The following DYNC2H1 variants were observed in gnomAD, a reference collection of about 807,000 sequenced individuals.
DYNC2H1 encodes the protein dynein cytoplasmic 2 heavy chain 1.
Under a neutral mutation model 570.0 loss-of-function variants are expected in DYNC2H1, and 410 were observed. The ratio of observed to expected loss-of-function variants is 0.72; its 90% CI spans 0.66 to 0.78. DYNC2H1 has a LOEUF of 0.78. DYNC2H1 is among the 30% of genes least tolerant of loss of function. The pLI is 0.00. For synonymous variants in DYNC2H1, 1,688 were observed against 1,677.6 expected (o/e 1.01, Z -0.15); for missense variants, 4,865 against 5,046.4 (o/e 0.96, Z 1.09).
Position 103,133,772 on chromosome 11 carries a change from A to T in DYNC2H1, c.2106+65A>T. Reference sequence around the variant, plus strand: ...ATTATTTAAAAAGTCATTAAGATACAATTTTTAAAAACTTATTTTGAAATA... The same window carrying T: ...ATTATTTAAAAAGTCATTAAGATACTATTTTTAAAAACTTATTTTGAAATA... On this transcript the variant is annotated intron_variant, in intron 14 of 88. Transcript: ENST00000375735. This position sits in a 1 kb window ranked among gnomAD's most constrained non-coding sequence, Gnocchi z 4.8. The T allele has an allele frequency of 7.0e-7, 1 of 1,426,624 alleles. No individual in the cohort carries two copies. Among genetic ancestry groups the T allele is most frequent in the Non-Finnish European group, 9.4e-7 (1 of 1,068,994 alleles). 88.4% of individuals were successfully genotyped at this position (1,426,624 alleles called of 1,614,324 possible). A position where few individuals can be genotyped will look rare whatever the true frequency, so the allele number is the denominator to read the frequency against.
At chr11:103,474,022 T>A in intron 88 of DYNC2H1, 1 of 179,656 alleles carries the variant, frequency 5.6e-6, no homozygotes, top group South Asian at 8.7e-5. Context: ...TTCTGCCTTC[T>A]ATACACTCTG....
intron 84 of DYNC2H1, among the ~76,000 whole-genome samples, chr11:103,418,419 A>G (rs554637607): frequency 6.6e-6 from 1 of 152,374 alleles, no homozygotes; most frequent in South Asian, 2.1e-4. Flanking sequence ...TATTATGTGC[A>G]TTACCTTTCT....
rs534353015 is a variant in DYNC2H1 at position 103,326,936 on chromosome 11, G to C, written c.12039+2946G>C. On this transcript the variant is annotated intron_variant, in intron 82 of 88. Transcript: ENST00000375735. This position sits in a 1 kb window ranked among gnomAD's most constrained non-coding sequence, Gnocchi z 6.1. ...CCACAGCAGCTGAAGCACTGTTTCTGCCTAGTCTCCAGGCAGATCCTCCAC... is the reference window on the plus strand; with the variant it reads ...CCACAGCAGCTGAAGCACTGTTTCTCCCTAGTCTCCAGGCAGATCCTCCAC... Among the ~76,000 whole-genome samples the C allele has an allele frequency of 1.1e-4, 17 of 152,304 alleles. No individual in the cohort carries two copies. The South Asian group carries it at 3.3e-3, about 30-fold the overall frequency.
chr11:103,425,905 T>A (rs1218741314), intron 84 of DYNC2H1, among the ~76,000 whole-genome samples: 1 of 151,670 alleles, frequency 6.6e-6, no homozygotes, highest in Admixed American at 6.6e-5. Flanking sequence ...CAAATTAGTA[T>A]GTTGTTGGGA....
At chr11:103,322,779 T>C (rs1318706462) in intron 81 of DYNC2H1, among the ~76,000 whole-genome samples, 5 of 152,182 alleles carry the variant, frequency 3.3e-5, no homozygotes, top group African/African-American at 1.2e-4. Context: ...ACAATCACTG[T>C]TTAGCTTTCT....
chr11:103,170,765 G>T lies in DYNC2H1; in HGVS notation c.5152-121G>T. ...AGCTACTTAATCCGTATTTTAAAAT[G>T]AGCAAAAGAGGCATAGATGGGATAA... On this transcript the variant is annotated intron_variant, in intron 33 of 88. Coordinates refer to ENST00000375735, the MANE Select transcript of DYNC2H1 (RefSeq NM_001377.3). This position sits in a 1 kb window ranked among gnomAD's most constrained non-coding sequence, Gnocchi z 4.8. 1 of 968,114 alleles carries T rather than the reference G, an allele frequency of 1.0e-6. No homozygotes were observed. The highest frequency in any genetic ancestry group is 1.4e-6 in the Non-Finnish European group (1 of 725,062). The allele number at this position is 968,114 out of a possible 1,614,324, so 60.0% of individuals were successfully genotyped here.
At chr11:103,214,523 C>T (rs1863300434) in intron 54 of DYNC2H1, among the ~76,000 whole-genome samples, 1 of 145,666 alleles carries the variant, frequency 6.9e-6, no homozygotes, top group Non-Finnish European at 1.5e-5. Flanking sequence ...TGGCTCACTG[C>T]AGCCTCCAAC....
At chr11:103,222,883 C>A in intron 58 of DYNC2H1, 82 bp from the exon 59 acceptor site, 1 of 1,556,944 alleles carries the variant, frequency 6.4e-7, no homozygotes, top group South Asian at 1.2e-5. Context: ...TAATAAGTGC[C>A]CAAATAAAGT....
At chr11:103,379,562 A>G (rs371455363) in intron 83 of DYNC2H1, among the ~76,000 whole-genome samples, 3 of 152,310 alleles carry the variant, frequency 2.0e-5, no homozygotes, top group East Asian at 1.9e-4. Context: ...AGAAAACTCC[A>G]AATTTTGACT....
At chr11:103,173,524 GT>G (rs930053907) in intron 35 of DYNC2H1, among the ~76,000 whole-genome samples, 6 of 151,678 alleles carry the variant, frequency 4.0e-5, no homozygotes, top group Non-Finnish European at 7.4e-5. Context: ...AATTTGATCA[GT>G]TTTTTTTCTT....
chr11:103,439,717 C>T lies in DYNC2H1; in HGVS notation c.12456+3685C>T, dbSNP rs976979763. Reference sequence around the variant, plus strand: ...ATTCACTCTCTGGTTTCTGTAAGATCCTTTAGAGCAAAGATCTTAAAAAAA... The same window carrying T: ...ATTCACTCTCTGGTTTCTGTAAGATTCTTTAGAGCAAAGATCTTAAAAAAA... On this transcript the variant is annotated intron_variant, in intron 85 of 88. Transcript: ENST00000375735. The surrounding 1 kb of genome is among the most constrained non-coding windows in gnomAD (Gnocchi z 4.1). Among the ~76,000 whole-genome samples the T allele has an allele frequency of 6.6e-6, 1 of 151,864 alleles. No individual in the cohort carries two copies. Among genetic ancestry groups the T allele is most frequent in the African/African-American group, 2.4e-5 (1 of 41,328 alleles).
At chr11:103,213,524 G>A (rs1358914394) in intron 54 of DYNC2H1, among the ~76,000 whole-genome samples, 1 of 150,806 alleles carries the variant, frequency 6.6e-6, no homozygotes, top group African/African-American at 2.4e-5. Context: ...ATATTTATGG[G>A]GTACATGTGA....
rs1861681383 is a variant in DYNC2H1, at chr11:103,177,707, A to C, written c.6026A>C (p.Asn2009Thr). Residue 2009 changes from asparagine to threonine, a missense_variant, in exon 38 of 89, where the codon AAT becomes ACT. Around this residue, in one of 5 missense-constraint regions of DYNC2H1, gnomAD observed 231 missense variants for 310.3 expected, o/e 0.74. Coordinates refer to ENST00000375735, the MANE Select transcript of DYNC2H1 (RefSeq NM_001377.3). The surrounding 1 kb of genome is among the most constrained non-coding windows in gnomAD (Gnocchi z 4.4). ...AAAGTAGTGAAACAATATACTATGA[A>C]TCCCAAAGCTATGCCTCGATATCAA... Reference protein sequence around the residue: ...TGKVVKQYTMNPKAMPRYQLL... With the variant: ...TGKVVKQYTMTPKAMPRYQLL... 1 of 1,613,492 alleles carries C rather than the reference A, an allele frequency of 6.2e-7. No homozygotes were observed. Among genetic ancestry groups the C allele is most frequent in the Non-Finnish European group, 8.5e-7 (1 of 1,179,736 alleles).
At chr11:103,257,575 C>T (rs1371270069) in intron 68 of DYNC2H1, 33 bp from the exon 69 acceptor site, 3 of 1,574,436 alleles carry the variant, frequency 1.9e-6, no homozygotes, top group Non-Finnish European at 2.6e-6. Flanking sequence ...AAGGTGTTTC[C>T]ACCCTATCCC....
chr11:103,147,706 T>C (rs985663756), intron 18 of DYNC2H1, 66 bp from the exon 19 acceptor site: 2 of 906,804 alleles, frequency 2.2e-6, no homozygotes, highest in Non-Finnish European at 1.7e-6. Context: ...ATTATAATAT[T>C]ATATGAGACT....
rs754802916 is a variant in DYNC2H1 at position 103,168,737 on chromosome 11, AT to A, written c.4763-13del. The A allele has an allele frequency of 6.2e-7, 1 of 1,608,746 alleles. No homozygotes were observed. Among genetic ancestry groups the A allele is most frequent in the South Asian group, 1.1e-5 (1 of 90,436 alleles). On this transcript the variant is annotated splice_polypyrimidine_tract_variant and intron_variant, in intron 31 of 88. Coordinates refer to ENST00000375735, the MANE Select transcript of DYNC2H1 (RefSeq NM_001377.3). Reference sequence around the variant, plus strand: ...GCTAACATTTTCTCCAATTGTCAATATTTTTATTTCTGCCTAGAATCGGGCA... The same window carrying A: ...GCTAACATTTTCTCCAATTGTCAATATTTTATTTCTGCCTAGAATCGGGCA...
chr11:103,390,391 C>G (rs1199225642), intron 83 of DYNC2H1, among the ~76,000 whole-genome samples: 1 of 150,530 alleles, frequency 6.6e-6, no homozygotes, highest in Non-Finnish European at 1.5e-5. Flanking sequence ...CTATATGTGT[C>G]TCTGCACATG....
chr11:103,187,207 T>TTTACCATTTTTCC, intron 42 of DYNC2H1, 133 bp from the exon 43 acceptor site: 4 of 1,259,550 alleles, frequency 3.2e-6, no homozygotes, highest in Non-Finnish European at 4.3e-6. Flanking sequence ...CATATCTGTA[T>TTTACCATTTTTCC]TTACCATTTT....
chr11:103,227,060 A>G (rs951393721), intron 59 of DYNC2H1, among the ~76,000 whole-genome samples: 7 of 152,118 alleles, frequency 4.6e-5, no homozygotes, highest in African/African-American at 1.7e-4. Context: ...TAATTGAGCT[A>G]ATTTGTATCT....
Sources: allele counts gnomAD v4.1 joint callset (sites outside exome capture counted in the v4.1 genomes callset), GRCh38; gene constraint gnomAD v4.1.1; regional missense constraint gnomAD v4.1.1; non-coding constraint Gnocchi (gnomAD v3.1); transcripts MANE v1.5; gene names NCBI Gene and HGNC (gene_info 2026-07-23, HGNC 2026-07-21).